Variants in RBPJ observed in about 807,000 individuals in gnomAD.
RBPJ encodes the protein recombination signal binding protein for immunoglobulin kappa J region.
Under a neutral mutation model 67.8 loss-of-function variants are expected in RBPJ, and 9 were observed. That is an observed-to-expected ratio of 0.13 (90% confidence interval 0.08 to 0.23). The LOEUF is 0.23. Ranked by LOEUF, RBPJ falls within the 10% of genes least tolerant of loss-of-function variation. The probability of loss-of-function intolerance (pLI) is 1.00; values close to 1 mark genes in which losing one functional copy is unlikely to be tolerated. For missense variants in RBPJ, 305 were observed against 595.6 expected (o/e 0.51, Z 5.08); for synonymous variants, 198 against 203.3 (o/e 0.97, Z 0.22).
At chr4:26,428,226 T>A (rs1735878739) in intron 7 of RBPJ, among the ~76,000 whole-genome samples, 1 of 152,270 alleles carries the variant, frequency 6.6e-6, no homozygotes, top group Non-Finnish European at 1.5e-5. Context: ...ATTTTTCCCT[T>A]TGATGTTGGA....
At chr4:26,203,626 G>C (rs1718067925) in intron 1 of RBPJ, among the ~76,000 whole-genome samples, 1 of 152,152 alleles carries the variant, frequency 6.6e-6, no homozygotes, top group Non-Finnish European at 1.5e-5. Flanking sequence ...CAAAGGCTCT[G>C]TTGAGTGAAA....
At chr4:26,263,036 A>G (rs763071026) in intron 1 of RBPJ, among the ~76,000 whole-genome samples, 7 of 152,180 alleles carry the variant, frequency 4.6e-5, no homozygotes, top group Non-Finnish European at 8.8e-5. Context: ...CCAGAATTCC[A>G]CAATGAAACC....
At chr4:26,297,748 A>T (rs1721930146) in intron 1 of RBPJ, among the ~76,000 whole-genome samples, 1 of 152,108 alleles carries the variant, frequency 6.6e-6, no homozygotes, top group Non-Finnish European at 1.5e-5. Context: ...CTATTTTTAA[A>T]AAACAATTCA....
At chr4:26,136,291 T>C in the RBPJ span, among the ~76,000 whole-genome samples, 1 of 152,126 alleles carries the variant, frequency 6.6e-6, no homozygotes. Context: ...CTCTCCCAGG[T>C]CACAAGATCT....
chr4:26,330,311 T>C (rs1724096034), intron 1 of RBPJ, among the ~76,000 whole-genome samples: 1 of 152,226 alleles, frequency 6.6e-6, no homozygotes, highest in Non-Finnish European at 1.5e-5. Context: ...GTGGAGCACC[T>C]ACCATCTGCC....
At chr4:26,260,941 G>A (rs1215218912) in intron 1 of RBPJ, among the ~76,000 whole-genome samples, 4 of 151,954 alleles carry the variant, frequency 2.6e-5, no homozygotes, top group African/African-American at 9.7e-5. Context: ...GAAACCATAA[G>A]TTTTTACTTG....
chr4:26,364,091 G>T (rs1187047800), intron 1 of RBPJ, among the ~76,000 whole-genome samples: 2 of 152,136 alleles, frequency 1.3e-5, no homozygotes, highest in Non-Finnish European at 2.9e-5. Context: ...GGTAATAAAA[G>T]AAACAATATT....
In RBPJ at chr4:26,432,752, C is replaced by T. The variant is rs1370577397; in HGVS notation, c.*1745C>T. The T allele has an allele frequency of 2.6e-5, 4 of 152,176 alleles. No individual in the cohort carries two copies. The highest frequency in any genetic ancestry group is 5.9e-5 in the Non-Finnish European group (4 of 68,032). The allele number at this position is 152,176 out of a possible 1,614,324, so 9.4% of individuals were successfully genotyped here. ...TTACTGTCCCATAAAACAGGAGCCA[C>T]AGTACCTTATGAATGCAAAACTGTA... On this transcript the variant is annotated 3_prime_UTR_variant, in exon 11 of 11. Transcript: ENST00000355476.
chr4:26,233,956 G>A (rs1233548227), intron 1 of RBPJ, among the ~76,000 whole-genome samples: 1 of 152,108 alleles, frequency 6.6e-6, no homozygotes, highest in Non-Finnish European at 1.5e-5. Context: ...AAATGTCAGA[G>A]CTCATTGTAC....
At position 26,422,816 on chromosome 4, in the gene RBPJ, C is replaced by A. The variant is rs992052293; in HGVS notation, c.497-1526C>A. 3.3e-5 allele frequency among the ~76,000 whole-genome samples: 5 copies of A among 152,288 alleles called. No homozygotes were observed. The East Asian group carries it at 9.6e-4, about 29-fold the overall frequency. On this transcript the variant is annotated intron_variant, in intron 5 of 10. Coordinates refer to ENST00000355476, the MANE Select transcript of RBPJ (RefSeq NM_015874.6). The stretch of plus-strand genomic sequence containing the variant: ...CTTATCTTCATCTATACCTGTACTC[C>A]AGCCCCACTTTCTTCTGCCCTTATT...
At chr4:26,148,421 G>A in the RBPJ span, among the ~76,000 whole-genome samples, 2 of 152,238 alleles carry the variant, frequency 1.3e-5, no homozygotes, top group East Asian at 3.9e-4. Flanking sequence ...GGACTAGTGG[G>A]GTCACAGAGA....
intron 1 of RBPJ, among the ~76,000 whole-genome samples, chr4:26,238,951 G>A (rs975280250): frequency 6.6e-6 from 1 of 152,104 alleles, no homozygotes; most frequent in Non-Finnish European, 1.5e-5. Flanking sequence ...CCCAGGGAGA[G>A]CAGACGCAGA....
chr4:26,210,771 C>CTT (rs1718387461), intron 1 of RBPJ, among the ~76,000 whole-genome samples: 1 of 68,572 alleles, frequency 1.5e-5, no homozygotes, highest in African/African-American at 5.5e-5. Context: ...TTCTTTCTTT[C>CTT]TTTCTTTCTT....
At chr4:26,186,677 T>C (rs1717277015) in intron 1 of RBPJ, among the ~76,000 whole-genome samples, 1 of 152,150 alleles carries the variant, frequency 6.6e-6, no homozygotes, top group Non-Finnish European at 1.5e-5. Flanking sequence ...AGAAACTAAG[T>C]GGGATTCAAA....
At chr4:26,343,753 T>C (rs1220040804) in intron 1 of RBPJ, among the ~76,000 whole-genome samples, 2 of 137,364 alleles carry the variant, frequency 1.5e-5, no homozygotes, top group African/African-American at 2.7e-5. Flanking sequence ...TTTTTTTTTT[T>C]TTTTTTTTTT....
At chr4:26,327,175 A>G (rs1723716339) in intron 1 of RBPJ, among the ~76,000 whole-genome samples, 2 of 152,154 alleles carry the variant, frequency 1.3e-5, no homozygotes, top group Admixed American at 6.5e-5. Flanking sequence ...CCTGCTGCTT[A>G]AGGGAATTAA....
the RBPJ span, among the ~76,000 whole-genome samples, chr4:26,144,271 T>C: frequency 7.0e-6 from 1 of 142,546 alleles, no homozygotes; most frequent in African/African-American, 2.6e-5. Flanking sequence ...AAAATTCTTT[T>C]TTTTTTTTTT....
intron 1 of RBPJ, among the ~76,000 whole-genome samples, chr4:26,281,995 G>A (rs1721288154): frequency 6.6e-6 from 1 of 152,018 alleles, no homozygotes; most frequent in Admixed American, 6.6e-5. Flanking sequence ...TCTAGACCAG[G>A]GGCAACTTCC....
intron 1 of RBPJ, among the ~76,000 whole-genome samples, chr4:26,254,015 T>G (rs190683935): frequency 6.7e-6 from 1 of 149,020 alleles, no homozygotes; most frequent in Admixed American, 6.6e-5. Flanking sequence ...CTTCACATTA[T>G]TAATAATAAG....
Sources: gnomAD v4.1 joint callset for allele counts (sites outside exome capture counted in the v4.1 genomes callset) on GRCh38, gnomAD v4.1.1 for gene constraint, MANE v1.5 for transcripts, NCBI Gene and HGNC (gene_info 2026-07-23, HGNC 2026-07-21) for gene names.